COL4A2: variants seen among roughly 807,000 people sequenced by gnomAD.
COL4A2 encodes collagen type IV alpha 2 chain, also known as collagen alpha-2(IV) chain.
COL4A2 carries 99 observed loss-of-function variants against 200.2 expected under a neutral mutation model. The ratio of observed to expected loss-of-function variants is 0.49; its 90% CI spans 0.42 to 0.58. The LOEUF (loss-of-function observed/expected upper bound fraction) is 0.58. Among genes scored for constraint, COL4A2 ranks in the 20% least tolerant of loss-of-function variants. COL4A2 has a pLI of 0.00. For missense variants in COL4A2, 1,950 were observed against 2,314.1 expected (o/e 0.84, Z 3.23); for synonymous variants, 897 against 900.6 (o/e 1.00, Z 0.07).
intron 11 of COL4A2, among the ~76,000 whole-genome samples, chr13:110,434,195 C>T (rs1376719652): frequency 6.6e-6 from 1 of 152,176 alleles, no homozygotes; most frequent in Non-Finnish European, 1.5e-5. Context: ...TCTCAGCTCC[C>T]ACTCATTCAC....
intron 4 of COL4A2, among the ~76,000 whole-genome samples, chr13:110,407,375 G>A (rs991908789): frequency 6.6e-6 from 1 of 152,238 alleles, no homozygotes; most frequent in Admixed American, 6.5e-5. Context: ...CAGTTGTGGA[G>A]ATGTCAGCAG....
At chr13:110,357,102 T>C (rs1406537537) in intron 3 of COL4A2, among the ~76,000 whole-genome samples, 1 of 152,034 alleles carries the variant, frequency 6.6e-6, no homozygotes, top group Non-Finnish European at 1.5e-5. Context: ...CCATAGAACA[T>C]ACAGCACCAA....
chr13:110,425,499 T>C (rs1880437701), intron 6 of COL4A2, among the ~76,000 whole-genome samples: 1 of 152,194 alleles, frequency 6.6e-6, no homozygotes, highest in Non-Finnish European at 1.5e-5. Flanking sequence ...CTAGTTTACT[T>C]TACTTCTCGT....
chr13:110,470,224 C>T (rs1882417318), intron 28 of COL4A2, among the ~76,000 whole-genome samples: 1 of 152,158 alleles, frequency 6.6e-6, no homozygotes, highest in Non-Finnish European at 1.5e-5. Context: ...CCGCACACAT[C>T]TTCAATAGTG....
chr13:110,309,898 C>T (rs573727384), intron 3 of COL4A2, among the ~76,000 whole-genome samples: 6 of 152,104 alleles, frequency 3.9e-5, no homozygotes, highest in Non-Finnish European at 8.8e-5. Context: ...GGCTGAGGCA[C>T]AAGAATTGCT....
intron 24 of COL4A2, among the ~76,000 whole-genome samples, chr13:110,464,775 C>T (rs531868099): frequency 6.6e-6 from 1 of 152,282 alleles, no homozygotes; most frequent in East Asian, 1.9e-4. Flanking sequence ...GGGGACAGCA[C>T]CGAGCCGTGC....
chr13:110,379,686 G>T (rs1473001666), intron 4 of COL4A2, among the ~76,000 whole-genome samples: 1 of 152,128 alleles, frequency 6.6e-6, no homozygotes, highest in African/African-American at 2.4e-5. Flanking sequence ...CGGAAGTGCG[G>T]GCTGCTGGGC....
chr13:110,498,391 A>G (rs578123125), intron 40 of COL4A2, among the ~76,000 whole-genome samples: 32 of 152,226 alleles, frequency 2.1e-4, no homozygotes, highest in Non-Finnish European at 3.7e-4. Flanking sequence ...AGACTTGGCC[A>G]GGAGATGTGG....
intron 4 of COL4A2, among the ~76,000 whole-genome samples, chr13:110,405,500 C>T (rs1056789851): frequency 3.3e-5 from 5 of 151,234 alleles, no homozygotes; most frequent in African/African-American, 1.2e-4. Context: ...TTCTCCATCA[C>T]CCGACGTTTT....
chr13:110,482,732 C>T (rs1882977251), intron 32 of COL4A2, 73 bp downstream of exon 32: 1 of 1,494,384 alleles, frequency 6.7e-7, no homozygotes, highest in Non-Finnish European at 9.1e-7. Flanking sequence ...GGTGGCATAA[C>T]ATTGCCCAGA....
intron 3 of COL4A2, among the ~76,000 whole-genome samples, chr13:110,322,948 G>A (rs1346553773): frequency 6.6e-6 from 1 of 152,242 alleles, no homozygotes; most frequent in Non-Finnish European, 1.5e-5. Context: ...CAGCTGGAGC[G>A]GGAGGGCGGA....
chr13:110,459,082 A>C (rs1881910840), intron 22 of COL4A2, 148 bp downstream of exon 22: 16 of 768,686 alleles, frequency 2.1e-5, no homozygotes, highest in Middle Eastern at 4.0e-4. Flanking sequence ...CTAAAAACCC[A>C]CATACCCCAA....
intron 41 of COL4A2, among the ~76,000 whole-genome samples, chr13:110,502,083 A>G (rs1883662381): frequency 6.6e-6 from 1 of 152,230 alleles, no homozygotes; most frequent in Admixed American, 6.5e-5. Flanking sequence ...TATTGTGTTT[A>G]GACAAGTATT....
chr13:110,367,541 T>G (rs1430466540), intron 4 of COL4A2, among the ~76,000 whole-genome samples: 1 of 152,240 alleles, frequency 6.6e-6, no homozygotes. Flanking sequence ...GGGTGGTGAT[T>G]ATGGCATTGT....
intron 3 of COL4A2, among the ~76,000 whole-genome samples, chr13:110,357,055 C>T (rs748538671): frequency 6.6e-6 from 1 of 152,152 alleles, no homozygotes; most frequent in Non-Finnish European, 1.5e-5. Context: ...TGAGCGACCG[C>T]GCCCAGCCTA....
intron 24 of COL4A2, 115 bp downstream of exon 24, chr13:110,462,499 A>G (rs914491654): frequency 2.1e-6 from 2 of 931,940 alleles, no homozygotes. Flanking sequence ...TGTGCATAGG[A>G]CAGGCTGCTC....
intron 45 of COL4A2, among the ~76,000 whole-genome samples, chr13:110,505,281 T>C (rs888787293): frequency 6.6e-5 from 10 of 151,000 alleles, no homozygotes; most frequent in African/African-American, 1.2e-4. Flanking sequence ...ACCCAGGAGG[T>C]GGAGGTTGCA....
At chr13:110,414,916 T>C (rs1260289398) in intron 4 of COL4A2, among the ~76,000 whole-genome samples, 1 of 152,246 alleles carries the variant, frequency 6.6e-6, no homozygotes, top group Non-Finnish European at 1.5e-5. Context: ...CTTTAGTTTC[T>C]GTATGGTAGA....
In COL4A2 at chr13:110,492,156, C is replaced by A; in HGVS notation, c.3541C>A (p.Pro1181Thr). ...LPGGKGDDGW[P>T]GAPGLPGFPG... ...TGGTGGCAAAGGAGATGATGGCTGG[C>A]CGGGAGCTCCGGGCTTACCAGGTAA... Residue 1181 changes from proline to threonine, a missense_variant, in exon 38 of 48, where the codon CCG becomes ACG. Pro to Thr is a conservative substitution (Grantham distance 38). Around this residue, in one of 2 missense-constraint regions of COL4A2, gnomAD observed 1,385 missense variants for 1,720.5 expected, o/e 0.80. Coordinates refer to ENST00000360467, the MANE Select transcript of COL4A2 (RefSeq NM_001846.4). 6.4e-7 allele frequency: 1 copy of A among 1,552,616 alleles called. No individual in the cohort carries two copies. The highest frequency in any genetic ancestry group is 8.7e-7 in the Non-Finnish European group (1 of 1,147,390).
Sources: allele counts gnomAD v4.1 joint callset (sites outside exome capture counted in the v4.1 genomes callset), GRCh38; gene constraint gnomAD v4.1.1; regional missense constraint gnomAD v4.1.1; transcripts MANE v1.5; gene names NCBI Gene and HGNC (gene_info 2026-07-23, HGNC 2026-07-21).